ADAMTS9: variants seen among roughly 807,000 people sequenced by gnomAD.
ADAMTS9 encodes ADAM metallopeptidase with thrombospondin type 1 motif 9, also known as A disintegrin and metalloproteinase with thrombospondin motifs 9.
ADAMTS9 carries 107 observed loss-of-function variants against 257.1 expected under a neutral mutation model. The observed-to-expected ratio is 0.42, with a 90% CI of 0.36 to 0.49. The LOEUF is 0.49. Among genes scored for constraint, ADAMTS9 ranks in the 20% least tolerant of loss-of-function variants. The pLI is 0.03. For missense variants in ADAMTS9, 2,353 were observed against 2,469.1 expected, an observed-to-expected ratio of 0.95 and a Z score of 1.00; for synonymous variants, 982 against 880.9, an observed-to-expected ratio of 1.11 and a Z score of -2.03.
chr3:64,531,625 C>T (rs1454764537), intron 38 of ADAMTS9, among the ~76,000 whole-genome samples: 1 of 152,148 alleles, frequency 6.6e-6, no homozygotes, highest in Non-Finnish European at 1.5e-5. Flanking sequence ...CACCACCATG[C>T]CCAGCTAATT....
chr3:64,647,975 G>T lies in ADAMTS9; in HGVS notation c.1675C>A (p.Pro559Thr). 2 of 1,613,942 alleles carry T rather than the reference G, an allele frequency of 1.2e-6. No individual in the cohort carries two copies. Reference protein sequence around the residue: ...VHKGCRTQHTPWADGTECEPG... With the variant: ...VHKGCRTQHTTWADGTECEPG... Reference sequence around the variant, plus strand: ...TCGCACTCCGTCCCATCGGCCCAGGGTGTGTGCTGAGTCCGGCAGCCTTTG... The same window carrying T: ...TCGCACTCCGTCCCATCGGCCCAGGTTGTGTGCTGAGTCCGGCAGCCTTTG... The change falls in exon 11 of 40, where the codon CCC becomes ACC. Residue 559 changes from proline to threonine, a missense_variant. Physicochemically the swap from Pro to Thr is conservative, Grantham distance 38. Coordinates refer to ENST00000498707, the MANE Select transcript of ADAMTS9 (RefSeq NM_182920.2).
intron 16 of ADAMTS9, among the ~76,000 whole-genome samples, chr3:64,631,203 G>T (rs771716289): frequency 2.6e-5 from 4 of 152,182 alleles, no homozygotes; most frequent in African/African-American, 4.8e-5. Flanking sequence ...TTGACTTGGG[G>T]CCTTTCTATT....
At chr3:64,556,611 G>A (rs1444313348) in intron 30 of ADAMTS9, among the ~76,000 whole-genome samples, 2 of 152,152 alleles carry the variant, frequency 1.3e-5, no homozygotes, top group South Asian at 2.1e-4. Flanking sequence ...GTGAGCCACT[G>A]TGTCCAGCCT....
chr3:64,621,430 A>C (rs565164127), intron 18 of ADAMTS9, among the ~76,000 whole-genome samples, 190 bp from the exon 19 acceptor site: 5 of 152,258 alleles, frequency 3.3e-5, no homozygotes, highest in African/African-American at 1.2e-4. Context: ...ATACATAAAC[A>C]AAATTGTCAT....
chr3:64,533,353 G>T, intron 37 of ADAMTS9, 83 bp from the exon 38 acceptor site: 1 of 1,056,386 alleles, frequency 9.5e-7, no homozygotes, highest in Non-Finnish European at 1.4e-6. Context: ...ACAATAAAAG[G>T]TACTTTGGAA....
chr3:64,561,404 T>C, intron 30 of ADAMTS9, 174 bp downstream of exon 30: 1 of 554,832 alleles, frequency 1.8e-6, no homozygotes, highest in South Asian at 4.4e-5. Flanking sequence ...AAACAAGAAG[T>C]TCTCCCACCC....
chr3:64,616,129 C>A lies in ADAMTS9; in HGVS notation c.2855G>T (p.Gly952Val), dbSNP rs1168520671. ...ASRSECSAQC[G>V]LGYRTLDIYC... The stretch of plus-strand genomic sequence containing the variant: ...GATGTCCAATGTGCGGTAACCCAAG[C>A]CACACTGGGCACTACATTCACTCCT... Residue 952 changes from glycine to valine, a missense_variant, in exon 20 of 40, where the codon GGC (glycine) becomes GTC (valine). Physicochemically the swap from Gly to Val is moderately radical, Grantham distance 109. Coordinates refer to ENST00000498707, the MANE Select transcript of ADAMTS9 (RefSeq NM_182920.2). 4 of 1,614,104 alleles carry A rather than the reference C, an allele frequency of 2.5e-6. No individual in the cohort carries two copies. The South Asian group carries it at 3.3e-5, about 13-fold the overall frequency.
intron 38 of ADAMTS9, among the ~76,000 whole-genome samples, chr3:64,528,740 C>T (rs1478435111): frequency 3.3e-5 from 5 of 152,220 alleles, no homozygotes; most frequent in African/African-American, 9.6e-5. Context: ...AGTACTTGTG[C>T]TCCTGCTATT....
intron 28 of ADAMTS9, among the ~76,000 whole-genome samples, chr3:64,579,582 T>G (rs1211773535): frequency 6.6e-6 from 1 of 152,216 alleles, no homozygotes; most frequent in Non-Finnish European, 1.5e-5. Context: ...TTGTGTGTTT[T>G]TTTTCACTCC....
intron 8 of ADAMTS9, among the ~76,000 whole-genome samples, chr3:64,653,752 G>C (rs1004364442): frequency 1.3e-5 from 2 of 152,060 alleles, no homozygotes; most frequent in African/African-American, 4.8e-5. Context: ...TGTTCTAACC[G>C]TGCTCTATCT....
intron 22 of ADAMTS9, among the ~76,000 whole-genome samples, chr3:64,611,523 C>G (rs2084665501): frequency 6.6e-6 from 1 of 150,684 alleles, no homozygotes; most frequent in South Asian, 2.1e-4. Flanking sequence ...GGTCCCCAGA[C>G]TTTTGGGCAC....
intron 28 of ADAMTS9, 23 bp from the exon 29 acceptor site, chr3:64,568,558 G>GGTT: frequency 1.2e-6 from 2 of 1,606,758 alleles, no homozygotes; most frequent in Non-Finnish European, 1.7e-6. Flanking sequence ...GCAATGGCAA[G>GGTT]GTTGTTGTTG....
intron 29 of ADAMTS9, chr3:64,565,581 A>C (rs977893642): frequency 3.3e-5 from 5 of 152,206 alleles, no homozygotes; most frequent in African/African-American, 1.2e-4. Flanking sequence ...CTTCATTCTA[A>C]TCTGATAATT....
At chr3:64,610,671 A>T (rs895662894) in intron 22 of ADAMTS9, among the ~76,000 whole-genome samples, 1 of 152,198 alleles carries the variant, frequency 6.6e-6, no homozygotes, top group Non-Finnish European at 1.5e-5. Flanking sequence ...AATTTTAAAA[A>T]GGGAAAATAA....
chr3:64,668,834 T>C (rs1011427004), intron 3 of ADAMTS9, among the ~76,000 whole-genome samples: 2 of 152,108 alleles, frequency 1.3e-5, no homozygotes, highest in East Asian at 3.9e-4. Flanking sequence ...TAGGTATCAT[T>C]CTCATATCAG....
intron 27 of ADAMTS9, among the ~76,000 whole-genome samples, chr3:64,595,992 A>C (rs529272556): frequency 2.6e-4 from 39 of 152,338 alleles, no homozygotes; most frequent in African/African-American, 9.1e-4. Flanking sequence ...TAAGGGCTCA[A>C]ACCCCCACTT....
chr3:64,605,270 G>A (rs1324768771), intron 23 of ADAMTS9, among the ~76,000 whole-genome samples: 1 of 152,128 alleles, frequency 6.6e-6, no homozygotes, highest in East Asian at 1.9e-4. Flanking sequence ...AACTTAAAGG[G>A]AAATATATTT....
intron 29 of ADAMTS9, 48 bp from the exon 30 acceptor site, chr3:64,561,799 T>TGGGGGG: frequency 1.8e-6 from 1 of 559,948 alleles, no homozygotes; most frequent in Non-Finnish European, 2.8e-6. Context: ...ATTTATTTTT[T>TGGGGGG]GGGGGGGCGG....
intron 3 of ADAMTS9, among the ~76,000 whole-genome samples, chr3:64,668,213 G>A (rs886837316): frequency 6.6e-5 from 10 of 152,146 alleles, no homozygotes; most frequent in African/African-American, 2.4e-4. Context: ...CAAGCCACAC[G>A]TGAAAGTTAA....
Sources: allele counts gnomAD v4.1 joint callset (sites outside exome capture counted in the v4.1 genomes callset), GRCh38; gene constraint gnomAD v4.1.1; transcripts MANE v1.5; gene names NCBI Gene and HGNC (gene_info 2026-07-23, HGNC 2026-07-21).